Variants in CA10 observed in about 807,000 individuals in gnomAD.
The protein encoded by CA10 is carbonic anhydrase 10 (inactive).
A neutral mutation model predicts 44.2 loss-of-function variants in CA10; 14 were observed. That is an observed-to-expected ratio of 0.32 (90% CI 0.21 to 0.50). CA10 has a LOEUF of 0.50. Ranked by LOEUF, CA10 falls within the 20% of genes least tolerant of loss-of-function variation. CA10 has a pLI of 0.99. For missense variants in CA10, 350 were observed against 409.7 expected, an observed-to-expected ratio of 0.85 and a Z score of 1.26; for synonymous variants, 159 against 141.6, an observed-to-expected ratio of 1.12 and a Z score of -0.87.
intron 2 of CA10, among the ~76,000 whole-genome samples, chr17:52,030,298 C>T (rs756342450): frequency 3.3e-5 from 5 of 152,174 alleles, no homozygotes; most frequent in Admixed American, 6.5e-5. Flanking sequence ...GGCCTGTTGA[C>T]CTTTCTCTCT....
chr17:51,792,198 C>A (rs1906548318), intron 3 of CA10, among the ~76,000 whole-genome samples: 1 of 152,134 alleles, frequency 6.6e-6, no homozygotes. Context: ...CATACAGAGG[C>A]TAAGCAACTT....
chr17:51,637,531 CAT>C (rs1386552008), intron 6 of CA10, among the ~76,000 whole-genome samples: 1 of 152,232 alleles, frequency 6.6e-6, no homozygotes, highest in African/African-American at 2.4e-5. Context: ...TGGATGCACA[CAT>C]GTTCTCTCGT....
chr17:51,800,088 G>A (rs1240603780), intron 3 of CA10, among the ~76,000 whole-genome samples: 3 of 152,180 alleles, frequency 2.0e-5, no homozygotes, highest in Non-Finnish European at 4.4e-5. Flanking sequence ...GCCAAAGGGT[G>A]AAAACAACCT....
intron 3 of CA10, among the ~76,000 whole-genome samples, chr17:51,883,175 C>G (rs1407311960): frequency 1.3e-5 from 2 of 152,166 alleles, no homozygotes; most frequent in African/African-American, 4.8e-5. Context: ...ACAGGGTTAA[C>G]AAACTTGGAC....
chr17:51,775,888 T>A (rs1035208522), intron 3 of CA10, among the ~76,000 whole-genome samples: 7 of 152,132 alleles, frequency 4.6e-5, no homozygotes, highest in African/African-American at 1.7e-4. Flanking sequence ...GAGGCAGGTG[T>A]GGCTGAAACA....
chr17:52,059,510 C>T (rs553101777), intron 2 of CA10, among the ~76,000 whole-genome samples: 1 of 151,738 alleles, frequency 6.6e-6, no homozygotes, highest in East Asian at 1.9e-4. Flanking sequence ...GTGTGCTCAC[C>T]CACACACACA....
At chr17:51,823,040 A>T (rs1023683291) in intron 3 of CA10, among the ~76,000 whole-genome samples, 2 of 152,038 alleles carry the variant, frequency 1.3e-5, no homozygotes. Flanking sequence ...ACATTTCCCC[A>T]AGCCCTGCCT....
intron 3 of CA10, among the ~76,000 whole-genome samples, chr17:51,846,148 C>G (rs1369343854): frequency 6.6e-6 from 1 of 152,228 alleles, no homozygotes; most frequent in Admixed American, 6.5e-5. Flanking sequence ...GAGGCATTGG[C>G]CTTTTGCCTG....
chr17:52,065,579 T>C (rs1280339655), intron 2 of CA10, among the ~76,000 whole-genome samples: 2 of 152,200 alleles, frequency 1.3e-5, no homozygotes. Context: ...TTAGCTCATA[T>C]GGCCCTCTTC....
At chr17:51,837,448 T>C (rs1218129007) in intron 3 of CA10, among the ~76,000 whole-genome samples, 1 of 152,198 alleles carries the variant, frequency 6.6e-6, no homozygotes, top group Non-Finnish European at 1.5e-5. Context: ...CATGACCACA[T>C]TACGATATTG....
intron 3 of CA10, among the ~76,000 whole-genome samples, chr17:51,791,878 T>C (rs1008700470): frequency 6.6e-6 from 1 of 152,368 alleles, no homozygotes; most frequent in African/African-American, 2.4e-5. Context: ...TCCATGGAAC[T>C]TTGCTTGAAC....
intron 4 of CA10, among the ~76,000 whole-genome samples, chr17:51,699,068 C>T (rs1314160795): frequency 1.3e-5 from 2 of 152,170 alleles, no homozygotes; most frequent in African/African-American, 4.8e-5. Context: ...CGCCTGTAAT[C>T]CCAGCACTTT....
chr17:51,908,098 C>G (rs1370046604), intron 3 of CA10, among the ~76,000 whole-genome samples: 1 of 152,162 alleles, frequency 6.6e-6, no homozygotes, highest in Non-Finnish European at 1.5e-5. Flanking sequence ...GCACTGTGTT[C>G]TCTGACCCAC....
At chr17:51,875,875 TTTC>T (rs1567869600) in intron 3 of CA10, among the ~76,000 whole-genome samples, 4 of 152,318 alleles carry the variant, frequency 2.6e-5, no homozygotes, top group African/African-American at 9.6e-5. Context: ...TCTATTCCTA[TTTC>T]TTTTTTCCAG....
intron 4 of CA10, among the ~76,000 whole-genome samples, chr17:51,713,779 T>C (rs955681296): frequency 5.3e-5 from 8 of 152,162 alleles, no homozygotes; most frequent in African/African-American, 1.2e-4. Flanking sequence ...ACCTTACAGG[T>C]TGGCCAGACT....
rs577197479 is a variant in CA10, at chr17:52,131,338, TA to T, written c.61+26387del. On this transcript the variant is annotated intron_variant, in intron 1 of 8. Coordinates refer to ENST00000451037, the MANE Select transcript of CA10 (RefSeq NM_020178.5). The stretch of plus-strand genomic sequence containing the variant: ...TAATGTTTTAAAATTTTGAACAAAT[TA>T]AAAACATGAAATTTATATTTCTCTT... Among the ~76,000 whole-genome samples the T allele has an allele frequency of 4.9e-3, 742 of 152,356 alleles. 5 individuals carry two copies. Among genetic ancestry groups the T allele is most frequent in the African/African-American group, 0.017 (694 of 41,576 alleles).
intron 3 of CA10, among the ~76,000 whole-genome samples, chr17:51,874,361 C>T (rs1239002070): frequency 6.7e-6 from 1 of 148,440 alleles, no homozygotes; most frequent in East Asian, 2.0e-4. Context: ...AATTTCTCAT[C>T]TGAGCATCTA....
intron 4 of CA10, among the ~76,000 whole-genome samples, chr17:51,712,135 T>C (rs1251997065): frequency 6.6e-6 from 1 of 152,180 alleles, no homozygotes; most frequent in Non-Finnish European, 1.5e-5. Flanking sequence ...ACATAATGGG[T>C]CATCAACAAA....
chr17:52,017,811 G>A (rs371537095), intron 2 of CA10, among the ~76,000 whole-genome samples: 40 of 152,124 alleles, frequency 2.6e-4, no homozygotes, highest in East Asian at 1.6e-3. Flanking sequence ...CCAAGACAAC[G>A]GGATAAAGAC....
Sources: gnomAD v4.1 joint callset for allele counts (sites outside exome capture counted in the v4.1 genomes callset) on GRCh38, gnomAD v4.1.1 for gene constraint, MANE v1.5 for transcripts, NCBI Gene and HGNC (gene_info 2026-07-23, HGNC 2026-07-21) for gene names.